Variants in RPTOR observed in about 807,000 individuals in gnomAD.
RPTOR encodes the protein regulatory associated protein of MTOR complex 1, also known as regulatory-associated protein of mTOR.
A neutral mutation model predicts 169.9 loss-of-function variants in RPTOR; 21 were observed. The ratio of observed to expected loss-of-function variants is 0.12; its 90% CI spans 0.09 to 0.18. The LOEUF (loss-of-function observed/expected upper bound fraction) is 0.18. Ranked by LOEUF, RPTOR falls within the 10% of genes least tolerant of loss-of-function variation. The pLI is 1.00. For synonymous variants in RPTOR, 732 were observed against 753.2 expected (o/e 0.97, Z 0.46); for missense variants, 1,133 against 1,855.9 (o/e 0.61, Z 7.16).
At chr17:80,790,509 T>C (rs2143491113) in intron 6 of RPTOR, among the ~76,000 whole-genome samples, 1 of 152,224 alleles carries the variant, frequency 6.6e-6, no homozygotes, top group South Asian at 2.1e-4. Flanking sequence ...TTTCTCCCAT[T>C]TCCTATCCCA....
chr17:80,864,893 TCAC>T (rs2067969338), intron 13 of RPTOR, among the ~76,000 whole-genome samples: 2 of 152,244 alleles, frequency 1.3e-5, no homozygotes, highest in Non-Finnish European at 2.9e-5. Flanking sequence ...CCAGGCCTGA[TCAC>T]CGCTCACTGT....
At chr17:80,804,302 C>G (rs1177479591) in intron 7 of RPTOR, 1 of 152,240 alleles carries the variant, frequency 6.6e-6, no homozygotes, top group Non-Finnish European at 1.5e-5. Flanking sequence ...GGCGAGCACT[C>G]CTTTTGCTAG....
chr17:80,923,211 C>T (rs71373055), intron 22 of RPTOR, among the ~76,000 whole-genome samples: 1 of 152,212 alleles, frequency 6.6e-6, no homozygotes, highest in Non-Finnish European at 1.5e-5. Context: ...CCGGCCCACT[C>T]GACTCTGAGC....
At chr17:80,846,709 A>T (rs1453521235) in intron 11 of RPTOR, 135 bp downstream of exon 11, 2 of 694,686 alleles carry the variant, frequency 2.9e-6, no homozygotes, top group Admixed American at 2.4e-5. Context: ...TGCCCCGAAG[A>T]TGATGGTGCA....
intron 17 of RPTOR, among the ~76,000 whole-genome samples, chr17:80,889,683 T>C (rs142333950): frequency 2.5e-4 from 38 of 152,252 alleles, no homozygotes; most frequent in African/African-American, 8.9e-4. Context: ...TGTGTTGCTG[T>C]CAGAGCCCAG....
At chr17:80,642,593 T>TA (rs138530213) in intron 2 of RPTOR, among the ~76,000 whole-genome samples, 1,838 of 152,270 alleles carry the variant, frequency 0.012, 40 homozygotes, top group African/African-American at 0.042. Context: ...AATCTATGGG[T>TA]AAAAAATCCA....
Position 80,936,472 on chromosome 17 carries a change from G to C in RPTOR, c.2920-4024G>C, listed in dbSNP as rs935982432. On this transcript the variant is annotated intron_variant, in intron 24 of 33. Coordinates refer to ENST00000306801, the MANE Select transcript of RPTOR (RefSeq NM_020761.3). This position sits in a 1 kb window ranked among gnomAD's most constrained non-coding sequence, Gnocchi z 4.1. ...CCAAGTTTCCTTCACCTCGTAAAGA[G>C]AGAAGCTGATACAACCATACAATGA... 6.6e-6 allele frequency among the ~76,000 whole-genome samples: 1 copy of C among 152,194 alleles called. No homozygotes were observed. Among genetic ancestry groups the C allele is most frequent in the Non-Finnish European group, 1.5e-5 (1 of 68,034 alleles).
intron 21 of RPTOR, among the ~76,000 whole-genome samples, chr17:80,915,176 C>T (rs1042803966): frequency 1.5e-4 from 22 of 150,494 alleles, no homozygotes; most frequent in Non-Finnish European, 2.7e-4. Context: ...ACTGAGCAGA[C>T]GTCGGGAAAA....
chr17:80,641,530 T>G (rs1474557381), intron 2 of RPTOR, among the ~76,000 whole-genome samples: 1 of 152,180 alleles, frequency 6.6e-6, no homozygotes, highest in Non-Finnish European at 1.5e-5. Context: ...TGCCAAAAAC[T>G]ATACAGGTGG....
At chr17:80,840,224 G>C (rs945624256) in intron 10 of RPTOR, among the ~76,000 whole-genome samples, 5 of 152,106 alleles carry the variant, frequency 3.3e-5, no homozygotes, top group African/African-American at 1.2e-4. Context: ...GTGGAGTCAC[G>C]CAGGGTGTAG....
At chr17:80,627,300 G>A (rs372579402) in intron 2 of RPTOR, among the ~76,000 whole-genome samples, 3 of 152,162 alleles carry the variant, frequency 2.0e-5, no homozygotes, top group Non-Finnish European at 4.4e-5. Context: ...GATTACAGGC[G>A]TGAGACACCA....
At position 80,695,185 on chromosome 17, in the gene RPTOR, T is replaced by G. The variant is rs1178671545; in HGVS notation, c.349-12656T>G. 3.9e-5 allele frequency among the ~76,000 whole-genome samples: 6 copies of G among 152,092 alleles called. 1 individual carries two copies. The highest frequency in any genetic ancestry group is 3.3e-4 in the Admixed American group (5 of 15,276). On this transcript the variant is annotated intron_variant, in intron 3 of 33. Transcript: ENST00000306801. This position sits in a 1 kb window ranked among gnomAD's most constrained non-coding sequence, Gnocchi z 4.9. ...GTAAGAGTGAGGCGGGTAGAATGCA[T>G]GTGCCCAAGACAGAGGCTGCCCCGA... is the stretch of plus-strand genomic sequence containing the variant.
chr17:80,655,536 G>C (rs2065672833), intron 3 of RPTOR, among the ~76,000 whole-genome samples: 1 of 151,876 alleles, frequency 6.6e-6, no homozygotes, highest in Admixed American at 6.5e-5. Context: ...TTGAGTAGCT[G>C]GGACTACAGA....
rs374409912 is a variant in RPTOR at position 80,780,099 on chromosome 17, C to T, written c.831-11351C>T. 3.7e-4 allele frequency among the ~76,000 whole-genome samples: 57 copies of T among 152,260 alleles called. 2 individuals carry two copies. The South Asian group carries it at 0.012, about 31-fold the overall frequency. ...AGCCTTCAGCCAGCGGTGTTCTCATCGTGTCCATCTGCTTCTATTAAGTTA... is the reference window on the plus strand; with the variant it reads ...AGCCTTCAGCCAGCGGTGTTCTCATTGTGTCCATCTGCTTCTATTAAGTTA... On this transcript the variant is annotated intron_variant, in intron 6 of 33. Transcript: ENST00000306801.
chr17:80,685,650 T>TA (rs557666597), intron 3 of RPTOR, among the ~76,000 whole-genome samples: 1,749 of 92,432 alleles, frequency 0.019, 56 homozygotes, highest in East Asian at 0.045. Flanking sequence ...TTTTTTTTTT[T>TA]TTTTTTTGCT....
intron 3 of RPTOR, among the ~76,000 whole-genome samples, chr17:80,678,506 T>G (rs2065875811): frequency 6.6e-6 from 1 of 152,228 alleles, no homozygotes; most frequent in South Asian, 2.1e-4. Flanking sequence ...TATTGTTATG[T>G]AAGACCTAAT....
rs534365165 is a variant in RPTOR, at chr17:80,841,563, G to A, written c.1212+3566G>A. ...ACACGGCAGCTCACTCTCACCGCAC[G>A]GCAGATCACTCTCACCGCACGGCAG... On this transcript the variant is annotated intron_variant, in intron 10 of 33. Transcript: ENST00000306801. Among the ~76,000 whole-genome samples, 125 of 124,164 alleles carry A rather than the reference G, an allele frequency of 1.0e-3. 3 individuals are homozygous for A. The highest frequency in any genetic ancestry group is 3.6e-3 in the African/African-American group (111 of 30,734). The allele number at this position is 124,164 out of a possible 152,430, so 81.5% of individuals were successfully genotyped here.
At chr17:80,625,044 G>A (rs1054311890) in intron 1 of RPTOR, among the ~76,000 whole-genome samples, 7 of 152,156 alleles carry the variant, frequency 4.6e-5, no homozygotes, top group Non-Finnish European at 8.8e-5. Context: ...AGTCAGAGCC[G>A]GCCAGGTGAC....
chr17:80,695,447 C>T lies in RPTOR; in HGVS notation c.349-12394C>T, dbSNP rs997943302. ...TCTGGGCGGGACCTGTGCTCTCTCC[C>T]TGTAACAGTGGCCTCTGTTACAGAG... is the stretch of plus-strand genomic sequence containing the variant. On this transcript the variant is annotated intron_variant, in intron 3 of 33. Coordinates refer to ENST00000306801, the MANE Select transcript of RPTOR (RefSeq NM_020761.3). The surrounding 1 kb of genome is among the most constrained non-coding windows in gnomAD (Gnocchi z 4.9). 8.5e-5 allele frequency among the ~76,000 whole-genome samples: 13 copies of T among 152,164 alleles called. No homozygotes were observed. The highest frequency in any genetic ancestry group is 3.1e-4 in the African/African-American group (13 of 41,434).
Sources: gnomAD v4.1 joint callset for allele counts (sites outside exome capture counted in the v4.1 genomes callset) on GRCh38, gnomAD v4.1.1 for gene constraint, Gnocchi (gnomAD v3.1) non-coding constraint, MANE v1.5 for transcripts, NCBI Gene and HGNC (gene_info 2026-07-23, HGNC 2026-07-21) for gene names.